TICAM2: variants seen among roughly 807,000 people sequenced by gnomAD.
TICAM2 encodes the protein TIR domain containing adaptor molecule 2, also known as TIR domain-containing adapter molecule 2.
TICAM2 carries 8 observed loss-of-function variants against 7.3 expected under a neutral mutation model. The observed-to-expected ratio is 1.10, with a 90% CI of 0.65 to 1.99. The LOEUF (loss-of-function observed/expected upper bound fraction) is 1.99, where lower values mean the gene tolerates loss of function less well. TICAM2 is among the 30% of genes most tolerant of loss of function. The probability of loss-of-function intolerance (pLI) is 0.00; values close to 1 mark genes in which losing one functional copy is unlikely to be tolerated. For synonymous variants in TICAM2, 113 were observed against 99.6 expected, an observed-to-expected ratio of 1.13 and a Z score of -0.80; for missense variants, 304 against 278.8, an observed-to-expected ratio of 1.09 and a Z score of -0.65.
chr5:115,592,527 T>C (rs1211551939), intron 1 of TICAM2, among the ~76,000 whole-genome samples: 1 of 152,190 alleles, frequency 6.6e-6, no homozygotes, highest in Non-Finnish European at 1.5e-5. Context: ...AAGATATAAA[T>C]TCATAATTGG....
intron 1 of TICAM2, among the ~76,000 whole-genome samples, chr5:115,586,119 T>C (rs1314326418): frequency 6.6e-6 from 1 of 152,182 alleles, no homozygotes; most frequent in African/African-American, 2.4e-5. Context: ...AAAGACAATA[T>C]GAGATCATTA....
chr5:115,592,260 C>T (rs1755336492), intron 1 of TICAM2, among the ~76,000 whole-genome samples: 1 of 152,124 alleles, frequency 6.6e-6, no homozygotes, highest in Non-Finnish European at 1.5e-5. Flanking sequence ...TATATAAACG[C>T]AAGTGAAAGC....
intron 1 of TICAM2, chr5:115,581,884 T>A (rs974978568): frequency 1.3e-5 from 2 of 152,774 alleles, no homozygotes; most frequent in African/African-American, 4.8e-5. Flanking sequence ...TCGGAGCTTT[T>A]TTTTGTTTGT....
rs1754896293 is a variant in TICAM2, at chr5:115,580,897, C to T, written c.360G>A (p.Gln120=). Residue 120 remains glutamine, a synonymous_variant, in exon 2 of 2, where the codon CAG becomes CAA. Transcript: ENST00000427199. The part of the protein sequence containing the change: ...IIFAEMPCGR[Q]HLQNLDDAVN... ...CAGCATCATCTAAATTCTGTAAATG[C>T]TGTCTGCCACATGGCATCTCAGCAA... The T allele has an allele frequency of 6.2e-7, 1 of 1,613,716 alleles. No homozygotes were observed. The highest frequency in any genetic ancestry group is 2.2e-5 in the East Asian group (1 of 44,878).
intron 1 of TICAM2, among the ~76,000 whole-genome samples, chr5:115,598,000 T>C (rs986184486): frequency 1.3e-5 from 2 of 152,180 alleles, no homozygotes; most frequent in Non-Finnish European, 1.5e-5. Context: ...TATTCCTTCA[T>C]ATATATGTGA....
At chr5:115,587,764 A>C (rs970318057) in intron 1 of TICAM2, among the ~76,000 whole-genome samples, 1 of 152,206 alleles carries the variant, frequency 6.6e-6, no homozygotes, top group Non-Finnish European at 1.5e-5. Context: ...AGAGTGATCC[A>C]GTAGGCACTT....
chr5:115,600,170 T>A (rs1448688020), intron 1 of TICAM2, among the ~76,000 whole-genome samples: 1 of 152,158 alleles, frequency 6.6e-6, no homozygotes, highest in African/African-American at 2.4e-5. Context: ...TGGCAGTAAC[T>A]GAGGCTGTTT....
In TICAM2 at chr5:115,601,480, C is replaced by T. The variant is rs1755736040; in HGVS notation, c.-60+617G>A. On this transcript the variant is annotated intron_variant, in intron 1 of 1. Coordinates refer to ENST00000427199, the MANE Select transcript of TICAM2 (RefSeq NM_021649.7). ...TGCAATGTGGGTTCAGGGGATGACA[C>T]TTCAACTCTATATAATGGTGTATTT... Among the ~76,000 whole-genome samples the T allele has an allele frequency of 2.0e-5, 3 of 151,994 alleles. No individual in the cohort carries two copies. In the South Asian group the frequency reaches 6.2e-4, roughly 31 times the overall value.
chr5:115,597,163 G>A (rs913478813), intron 1 of TICAM2, among the ~76,000 whole-genome samples: 10 of 152,112 alleles, frequency 6.6e-5, no homozygotes, highest in Non-Finnish European at 1.3e-4. Flanking sequence ...AATTTACTAT[G>A]GCACACATAT....
chr5:115,588,319 G>A (rs1248095106), intron 1 of TICAM2, among the ~76,000 whole-genome samples: 1 of 152,140 alleles, frequency 6.6e-6, no homozygotes, highest in Non-Finnish European at 1.5e-5. Flanking sequence ...AGAGGAATAG[G>A]CCACTTAACT....
chr5:115,599,811 C>A (rs1193323919), intron 1 of TICAM2, among the ~76,000 whole-genome samples: 1 of 151,706 alleles, frequency 6.6e-6, no homozygotes, highest in Non-Finnish European at 1.5e-5. Flanking sequence ...GGGACTAGAT[C>A]ACACAGGGCT....
rs539474784 is a variant in TICAM2, at chr5:115,582,070, A to G, written c.-59-755T>C. The G allele has an allele frequency of 3.9e-5, 6 of 152,320 alleles. No homozygotes were observed. The South Asian group carries it at 8.3e-4, about 21-fold the overall frequency. The allele number at this position is 152,320 out of a possible 1,614,324, so 9.4% of individuals were successfully genotyped here. On this transcript the variant is annotated intron_variant, in intron 1 of 1. Coordinates refer to ENST00000427199, the MANE Select transcript of TICAM2 (RefSeq NM_021649.7). ...TTGGAAATGAACTCTAGAAACAAAG[A>G]CTTGAGACTTTCTCCAGTGAAATCA...
At chr5:115,586,993 T>C (rs1580409317) in intron 1 of TICAM2, among the ~76,000 whole-genome samples, 3 of 152,224 alleles carry the variant, frequency 2.0e-5, no homozygotes, top group African/African-American at 7.2e-5. Flanking sequence ...GGACATTTTC[T>C]AGGCAGTGGA....
chr5:115,580,625 T>A lies in TICAM2; in HGVS notation c.632A>T (p.Gln211Leu), dbSNP rs777539869. ...TTGTTGTGTCTTATACACAGACTCC[T>A]GAAAAATTCTTTCTACTTGTGTAGG... is the stretch of plus-strand genomic sequence containing the variant. The part of the protein sequence containing the change: ...GFPTQVERIF[Q>L]ESVYKTQQTI... The change falls in exon 2 of 2, where the codon CAG (glutamine) becomes CTG (leucine). Residue 211 changes from glutamine (Q) to leucine (L), a missense_variant. Gln to Leu is a moderately radical substitution (Grantham distance 113). Transcript: ENST00000427199. The A allele has an allele frequency of 1.9e-6, 3 of 1,591,106 alleles. No homozygotes were observed. The East Asian group carries it at 6.7e-5, about 36-fold the overall frequency.
At chr5:115,595,071 A>G (rs1279295195) in intron 1 of TICAM2, among the ~76,000 whole-genome samples, 1 of 152,186 alleles carries the variant, frequency 6.6e-6, no homozygotes, top group Non-Finnish European at 1.5e-5. Context: ...TGAGTGATAG[A>G]TATCAAACTG....
In TICAM2 at chr5:115,579,942, G is replaced by C. The variant is rs973404864; in HGVS notation, c.*607C>G. 2 of 152,230 alleles carry C rather than the reference G, an allele frequency of 1.3e-5. No homozygotes were observed. The highest frequency in any genetic ancestry group is 2.9e-5 in the Non-Finnish European group (2 of 68,074). The allele number at this position is 152,230 out of a possible 1,614,324, so 9.4% of individuals were successfully genotyped here. A position where few individuals can be genotyped will look rare whatever the true frequency, so the allele number is the denominator to read the frequency against. On this transcript the variant is annotated 3_prime_UTR_variant, in exon 2 of 2. Transcript: ENST00000427199. ...CAAATGGGCTGTGAATCGGTGGTGGGAAATGCCTCCAAATATGCAGATTTC... is the reference window on the plus strand; with the variant it reads ...CAAATGGGCTGTGAATCGGTGGTGGCAAATGCCTCCAAATATGCAGATTTC...
Position 115,580,708 on chromosome 5 carries a change from T to A in TICAM2, c.549A>T (p.Glu183Asp). 1 of 1,598,432 alleles carries A rather than the reference T, an allele frequency of 6.3e-7. No individual in the cohort carries two copies. Among genetic ancestry groups the A allele is most frequent in the Non-Finnish European group, 8.5e-7 (1 of 1,174,236 alleles). Residue 183 changes from glutamate (E) to aspartate (D), a missense_variant, in exon 2 of 2, where the codon GAA (glutamate) becomes GAT (aspartate). Transcript: ENST00000427199. The stretch of plus-strand genomic sequence containing the variant: ...TGGTTTGGAGGGCAAAGGGAGTCCT[T>A]TCTCGGGGAAGGGGATTGTTCAGGG... Reference protein sequence around the residue: ...MRPLNNPLPRERTPFALQTIN... With the variant: ...MRPLNNPLPRDRTPFALQTIN...
At position 115,602,195 on chromosome 5, in the gene TICAM2, G is replaced by A. The variant is rs970658120; in HGVS notation, c.-158C>T. The A allele has an allele frequency of 6.6e-6, 1 of 152,360 alleles. No homozygotes were observed. The highest frequency in any genetic ancestry group is 1.5e-5 in the Non-Finnish European group (1 of 68,166). The allele number at this position is 152,360 out of a possible 1,614,324, so 9.4% of individuals were successfully genotyped here. A position where few individuals can be genotyped will look rare whatever the true frequency, so the allele number is the denominator to read the frequency against. The stretch of plus-strand genomic sequence containing the variant: ...GGGTGGGCGTCTTGCCCCGGGCGTC[G>A]AGAGTTTGGGGCCGTCCCGTACGCG... On this transcript the variant is annotated 5_prime_UTR_variant, in exon 1 of 2. Coordinates refer to ENST00000427199, the MANE Select transcript of TICAM2 (RefSeq NM_021649.7).
chr5:115,586,372 C>T (rs1755104569), intron 1 of TICAM2, among the ~76,000 whole-genome samples: 1 of 142,354 alleles, frequency 7.0e-6, no homozygotes, highest in Admixed American at 7.2e-5. Flanking sequence ...TGACAACATG[C>T]AATTCATAAA....
Sources: gnomAD v4.1 joint callset for allele counts (sites outside exome capture counted in the v4.1 genomes callset) on GRCh38, gnomAD v4.1.1 for gene constraint, MANE v1.5 for transcripts, NCBI Gene and HGNC (gene_info 2026-07-23, HGNC 2026-07-21) for gene names.